PRDM1: variants seen among roughly 807,000 people sequenced by gnomAD.
PRDM1 encodes PR/SET domain 1, also known as PR domain zinc finger protein 1.
In PRDM1, 13 loss-of-function variants were observed where a neutral mutation model predicts 62.8. The observed-to-expected ratio is 0.21, with a 90% confidence interval of 0.13 to 0.33. The LOEUF (loss-of-function observed/expected upper bound fraction) is 0.33, where lower values mean the gene tolerates loss of function less well. Among genes scored for constraint, PRDM1 ranks in the 10% least tolerant of loss-of-function variants. The probability of loss-of-function intolerance (pLI) is 1.00; values close to 1 mark genes in which losing one functional copy is unlikely to be tolerated. For synonymous variants in PRDM1, 396 were observed against 417.6 expected, an observed-to-expected ratio of 0.95 and a Z score of 0.63; for missense variants, 895 against 1,058.8, an observed-to-expected ratio of 0.85 and a Z score of 2.15.
chr6:106,098,286 A>G, intron 3 of PRDM1: 1 of 985,312 alleles, frequency 1.0e-6, no homozygotes, highest in Non-Finnish European at 1.2e-6. Flanking sequence ...AGAGGGGAAG[A>G]GAGAAAACTT....
chr6:106,098,925 A>T (rs1226009449), intron 3 of PRDM1: 42 of 1,515,832 alleles, frequency 2.8e-5, no homozygotes, highest in Non-Finnish European at 3.5e-5. Context: ...AAGTCAGCAT[A>T]ATCGGAACTG....
chr6:106,099,216 GGTACCGGCTGTGTTTATTCT>G, intron 3 of PRDM1, 64 bp from the exon 4 acceptor site: 1 of 1,601,652 alleles, frequency 6.2e-7, no homozygotes. Flanking sequence ...AATCACACAC[GGTACCGGCTGTGTTTATTCT>G]GAGAGGTGCT....
intron 1 of PRDM1, among the ~76,000 whole-genome samples, chr6:106,065,688 T>C (rs1773421650): frequency 6.6e-6 from 1 of 152,234 alleles, no homozygotes; most frequent in South Asian, 2.1e-4. Context: ...ATGTTATTTG[T>C]AGTTTCTCAG....
intron 1 of PRDM1, among the ~76,000 whole-genome samples, chr6:106,010,449 G>A (rs1355180283): frequency 6.6e-6 from 1 of 152,088 alleles, no homozygotes; most frequent in Non-Finnish European, 1.5e-5. Context: ...TATGGTTATG[G>A]ATGACAGTTA....
chr6:106,101,854 G>A (rs1296293967), intron 4 of PRDM1, among the ~76,000 whole-genome samples: 1 of 152,008 alleles, frequency 6.6e-6, no homozygotes, highest in Non-Finnish European at 1.5e-5. Context: ...ACAAACCAAA[G>A]GAAAGAAAAG....
rs1251156554 is a variant in PRDM1, at chr6:106,106,702, A to G, written c.1902+203A>G. On this transcript the variant is annotated intron_variant, in intron 6 of 6. Coordinates refer to ENST00000369096, the MANE Select transcript of PRDM1 (RefSeq NM_001198.4). The surrounding 1 kb of genome is among the most constrained non-coding windows in gnomAD (Gnocchi z 4.4). The stretch of plus-strand genomic sequence containing the variant: ...GCACAGCCAGCTTCCAGTGGGTGGG[A>G]AAATGGTAGGGGAAATAAACAGCCC... Among the ~76,000 whole-genome samples, 1 of 152,148 alleles carries G rather than the reference A, an allele frequency of 6.6e-6. No homozygotes were observed. The highest frequency in any genetic ancestry group is 2.4e-5 in the African/African-American group (1 of 41,422).
chr6:106,107,463 A>C lies in PRDM1; in HGVS notation c.2455A>C (p.Thr819Pro). The C allele has an allele frequency of 6.2e-7, 1 of 1,604,862 alleles. No homozygotes were observed. The highest frequency in any genetic ancestry group is 8.5e-7 in the Non-Finnish European group (1 of 1,175,718). The part of the protein sequence containing the change: ...PLVPVKVKQE[T>P]VEPMDP ...GGTACCTGTAAAGGTCAAACAAGAA[A>C]CAGTTGAACCAATGGATCCTTAAGA... is the stretch of plus-strand genomic sequence containing the variant. The change falls in exon 7 of 7, where the codon ACA (threonine) becomes CCA (proline). Residue 819 changes from threonine (T) to proline (P), a missense_variant. Around this residue, in one of 4 missense-constraint regions of PRDM1, gnomAD observed 164 missense variants for 179.9 expected, o/e 0.91. Transcript: ENST00000369096.
chr6:106,089,830 TC>T (rs962641564), intron 2 of PRDM1, among the ~76,000 whole-genome samples: 28 of 152,202 alleles, frequency 1.8e-4, no homozygotes, highest in African/African-American at 6.3e-4. Context: ...GTGTGTTTTT[TC>T]CCCATATCAA....
intron 1 of PRDM1, among the ~76,000 whole-genome samples, chr6:106,021,179 G>A (rs1029718756): frequency 2.0e-5 from 3 of 152,216 alleles, no homozygotes; most frequent in African/African-American, 7.2e-5. Flanking sequence ...TATAAACTGA[G>A]CAGACTTCAG....
chr6:105,993,581 C>T (rs965825270), exon 1 of PRDM1, among the ~76,000 whole-genome samples: 1 of 152,194 alleles, frequency 6.6e-6, no homozygotes, highest in Non-Finnish European at 1.5e-5. Flanking sequence ...TCTTCAGGAG[C>T]GGGCTGAGCT....
At chr6:106,004,672 G>A (rs1319686354) in intron 1 of PRDM1, among the ~76,000 whole-genome samples, 1 of 152,008 alleles carries the variant, frequency 6.6e-6, no homozygotes, top group Non-Finnish European at 1.5e-5. Context: ...TTTTTGAGGC[G>A]GGATAGTAAT....
upstream of PRDM1, among the ~76,000 whole-genome samples, chr6:106,082,368 C>A (rs1244018254): frequency 6.6e-6 from 1 of 152,100 alleles, no homozygotes; most frequent in African/African-American, 2.4e-5. Context: ...ATTTTGGAAA[C>A]CCCAAACCTT....
chr6:106,022,748 G>T (rs750635868), intron 1 of PRDM1, among the ~76,000 whole-genome samples: 6 of 151,986 alleles, frequency 3.9e-5, no homozygotes, highest in Non-Finnish European at 8.8e-5. Flanking sequence ...AAGAGACCAG[G>T]TCTCACTATG....
chr6:106,063,269 A>G (rs1191518235), intron 1 of PRDM1, among the ~76,000 whole-genome samples: 1 of 152,200 alleles, frequency 6.6e-6, no homozygotes, highest in Non-Finnish European at 1.5e-5. Flanking sequence ...TTGGCTGTAG[A>G]GCAGATAATC....
chr6:106,076,241 C>G (rs1773604566), intron 1 of PRDM1, among the ~76,000 whole-genome samples: 1 of 152,198 alleles, frequency 6.6e-6, no homozygotes, highest in Non-Finnish European at 1.5e-5. Flanking sequence ...GCTGGCATTA[C>G]AGGCGTGAAC....
rs1394800745 is a variant in PRDM1 at position 105,994,606 on chromosome 6, G to A, written c.-67+967G>A. 6.6e-6 allele frequency among the ~76,000 whole-genome samples: 1 copy of A among 152,164 alleles called. No individual in the cohort carries two copies. Among genetic ancestry groups the A allele is most frequent in the East Asian group, 1.9e-4 (1 of 5,182 alleles). On this transcript the variant is annotated intron_variant, in intron 1 of 6. Transcript: ENST00000652320. The surrounding 1 kb of genome is among the most constrained non-coding windows in gnomAD (Gnocchi z 4.1). Reference sequence around the variant, plus strand: ...GAGGAGAACTAGGGTCCTAACAGCAGGTCCAGAGGACTCTCGAGATAGGTT... The same window carrying A: ...GAGGAGAACTAGGGTCCTAACAGCAAGTCCAGAGGACTCTCGAGATAGGTT...
chr6:106,063,480 C>T (rs1773379715), intron 1 of PRDM1, among the ~76,000 whole-genome samples: 1 of 152,144 alleles, frequency 6.6e-6, no homozygotes, highest in Non-Finnish European at 1.5e-5. Flanking sequence ...AGGTGTGACT[C>T]CCTGCCCTGT....
intron 1 of PRDM1, among the ~76,000 whole-genome samples, chr6:106,057,235 C>A (rs1786691512): frequency 6.6e-6 from 1 of 152,150 alleles, no homozygotes; most frequent in African/African-American, 2.4e-5. Flanking sequence ...TGAGAATATG[C>A]TGTGTATTTA....
intron 1 of PRDM1, among the ~76,000 whole-genome samples, chr6:106,005,510 G>C (rs1043913904): frequency 6.6e-6 from 1 of 152,176 alleles, no homozygotes; most frequent in African/African-American, 2.4e-5. Context: ...TTGTTCACGA[G>C]CACTCCTTGA....
Sources: allele counts gnomAD v4.1 joint callset (sites outside exome capture counted in the v4.1 genomes callset), GRCh38; gene constraint gnomAD v4.1.1; regional missense constraint gnomAD v4.1.1; non-coding constraint Gnocchi (gnomAD v3.1); transcripts MANE v1.5; gene names NCBI Gene and HGNC (gene_info 2026-07-23, HGNC 2026-07-21).